Variants in LAMA1 observed in about 807,000 individuals in gnomAD.
LAMA1 encodes laminin subunit alpha-1.
A neutral mutation model predicts 348.7 loss-of-function variants in LAMA1; 219 were observed. That is an observed-to-expected ratio of 0.63 (90% CI 0.56 to 0.70). The LOEUF (loss-of-function observed/expected upper bound fraction) is 0.70. Among genes scored for constraint, LAMA1 ranks in the 30% least tolerant of loss-of-function variants. The pLI is 0.00. For missense variants in LAMA1, 3,744 were observed against 3,888.0 expected (o/e 0.96, Z 0.99); for synonymous variants, 1,487 against 1,491.0 (o/e 1.00, Z 0.06).
At position 6,956,759 on chromosome 18, in the gene LAMA1, CA is replaced by C; in HGVS notation, c.7970del (p.Leu2657TrpfsTer85). 6.2e-7 allele frequency: 1 copy of C among 1,614,102 alleles called. No homozygotes were observed. The highest frequency in any genetic ancestry group is 8.5e-7 in the Non-Finnish European group (1 of 1,180,038). ...CATGGCCAACTGCACTGTTGAAATC[CA>C]AAAGTCTAGGTAGAAACAAGAGAGT... ...IKNLIFNLEL[L>X]DFNSAVGHEQ... On this transcript the variant is annotated frameshift_variant, in exon 56 of 63. Transcript: ENST00000389658. LOFTEE classifies it high-confidence loss of function.
chr18:6,990,018 G>A (rs2057751746), intron 36 of LAMA1, among the ~76,000 whole-genome samples: 2 of 152,208 alleles, frequency 1.3e-5, no homozygotes, highest in South Asian at 4.1e-4. Flanking sequence ...AGAAGCTAAT[G>A]AAGAGTGCTG....
At chr18:7,084,463 A>C (rs148079464) in intron 1 of LAMA1, among the ~76,000 whole-genome samples, 368 of 152,312 alleles carry the variant, frequency 2.4e-3, no homozygotes, top group African/African-American at 8.5e-3. Context: ...TTAATAAATT[A>C]GTCTGCATGT....
chr18:7,057,471 C>CTTTTTTTTTTTTTTTTT (rs552843703), intron 3 of LAMA1, among the ~76,000 whole-genome samples: 5 of 90,806 alleles, frequency 5.5e-5, no homozygotes, highest in East Asian at 2.9e-4. Flanking sequence ...CTTTTCTTTT[C>CTTTTTTTTTTTTTTTTT]TTTTTTTTTT....
chr18:7,012,634 T>C (rs2057866763), intron 23 of LAMA1, among the ~76,000 whole-genome samples: 1 of 150,402 alleles, frequency 6.6e-6, no homozygotes, highest in Non-Finnish European at 1.5e-5. Context: ...GCCTCCCGAG[T>C]AGCTGGGACT....
chr18:7,076,169 C>A (rs1462302348), intron 3 of LAMA1, among the ~76,000 whole-genome samples: 6 of 151,802 alleles, frequency 4.0e-5, no homozygotes, highest in African/African-American at 1.5e-4. Context: ...CAGATTTTGG[C>A]AAGGTAAAAA....
chr18:6,949,318 T>C (rs1326763010), intron 58 of LAMA1, 59 bp from the exon 59 acceptor site: 4 of 1,515,130 alleles, frequency 2.6e-6, no homozygotes, highest in Non-Finnish European at 3.7e-6. Context: ...TTTTAACAGA[T>C]GTATAAACTT....
At chr18:7,015,918 C>A in intron 21 of LAMA1, 60 bp from the exon 22 acceptor site, 1 of 1,595,284 alleles carries the variant, frequency 6.3e-7, no homozygotes, top group Non-Finnish European at 8.6e-7. Context: ...GGGCTAAGAG[C>A]TGATGCTGTT....
In LAMA1 at chr18:7,049,056, A is replaced by G. The variant is rs539324917; in HGVS notation, c.768+22T>C. The G allele has an allele frequency of 2.7e-5, 44 of 1,602,898 alleles. 1 individual carries two copies. In the South Asian group the frequency reaches 4.1e-4, roughly 15 times the overall value. On this transcript the variant is annotated intron_variant, in intron 5 of 62. Coordinates refer to ENST00000389658, the MANE Select transcript of LAMA1 (RefSeq NM_005559.4). ...AATGAATCTTTTTATTTTATTTGGC[A>G]GGACTGCCGTCCCATACTCACGCGT...
chr18:7,089,107 G>C lies in LAMA1; in HGVS notation c.62-8650C>G, dbSNP rs1381579641. 3.3e-5 allele frequency among the ~76,000 whole-genome samples: 5 copies of C among 152,266 alleles called. No homozygotes were observed. In the East Asian group the frequency reaches 9.7e-4, roughly 29 times the overall value. On this transcript the variant is annotated intron_variant, in intron 1 of 62. Coordinates refer to ENST00000389658, the MANE Select transcript of LAMA1 (RefSeq NM_005559.4). ...AAAGAAACCTGCTAGGGGCCAGGGT[G>C]GTGGCTCATGCCTGTAATCTCAGCA... is the stretch of plus-strand genomic sequence containing the variant.
intron 49 of LAMA1, 115 bp downstream of exon 49, chr18:6,966,032 G>T: frequency 8.8e-7 from 1 of 1,133,778 alleles, no homozygotes; most frequent in Non-Finnish European, 1.3e-6. Context: ...CATAAAAATT[G>T]TATGGTATAC....
chr18:7,065,756 C>A (rs6506468), intron 3 of LAMA1, among the ~76,000 whole-genome samples: 5,891 of 152,192 alleles, frequency 0.039, 383 homozygotes, highest in African/African-American at 0.13. Context: ...TGAACAGAAG[C>A]GAATAAGTAT....
chr18:6,973,523 T>G (rs2057667869), intron 46 of LAMA1, among the ~76,000 whole-genome samples: 1 of 152,220 alleles, frequency 6.6e-6, no homozygotes. Context: ...CATAATATTA[T>G]AGAAAAGTGA....
intron 53 of LAMA1, chr18:6,959,951 G>A (rs73390543): frequency 0.041 from 10,358 of 251,450 alleles, 1,004 homozygotes; most frequent in African/African-American, 0.22. Context: ...ATTTTTTTTC[G>A]ACACATTGAA....
At chr18:6,972,436 C>A (rs1331769325) in intron 47 of LAMA1, among the ~76,000 whole-genome samples, 1 of 152,188 alleles carries the variant, frequency 6.6e-6, no homozygotes, top group Non-Finnish European at 1.5e-5. Flanking sequence ...TGACCACTAA[C>A]TAGAGCTAGA....
intron 21 of LAMA1, 78 bp downstream of exon 21, chr18:7,016,413 T>C: frequency 6.5e-7 from 1 of 1,534,526 alleles, no homozygotes; most frequent in Non-Finnish European, 9.0e-7. Context: ...TAACCAAAAT[T>C]AGTTGGAAGT....
intron 3 of LAMA1, among the ~76,000 whole-genome samples, chr18:7,073,666 T>TG (rs2058155066): frequency 6.6e-6 from 1 of 152,236 alleles, no homozygotes; most frequent in South Asian, 2.1e-4. Context: ...TGATGGTTGA[T>TG]GGACATCTGG....
Position 6,986,300 on chromosome 18 carries a change from G to T in LAMA1, c.5216C>A (p.Pro1739Gln), listed in dbSNP as rs541601813. Residue 1739 changes from proline (P) to glutamine (Q), a missense_variant, in exon 37 of 63, where the codon CCG becomes CAG. Coordinates refer to ENST00000389658, the MANE Select transcript of LAMA1 (RefSeq NM_005559.4). ...LSQIQENYQK[P>Q]LEELEVLKEA... ...TTTCAATACCTCCAATTCTTCCAGC[G>T]GCTTCTGGTAATTTTCCTGAATTTG... 1.2e-6 allele frequency: 2 copies of T among 1,614,138 alleles called. No individual in the cohort carries two copies. The highest frequency in any genetic ancestry group is 1.7e-6 in the Non-Finnish European group (2 of 1,180,036).
intron 25 of LAMA1, 49 bp from the exon 26 acceptor site, chr18:7,010,434 A>G: frequency 6.4e-7 from 1 of 1,550,540 alleles, no homozygotes; most frequent in Non-Finnish European, 8.9e-7. Flanking sequence ...GCTTTCATTC[A>G]AAAACATTTT....
chr18:7,008,980 T>G (rs1298602696), intron 27 of LAMA1, among the ~76,000 whole-genome samples: 2 of 151,062 alleles, frequency 1.3e-5, no homozygotes, highest in Admixed American at 1.3e-4. Flanking sequence ...ACAGCAATTG[T>G]TTTTTTTGCA....
Sources: allele counts gnomAD v4.1 joint callset (sites outside exome capture counted in the v4.1 genomes callset), GRCh38; gene constraint gnomAD v4.1.1; transcripts MANE v1.5; gene names NCBI Gene and HGNC (gene_info 2026-07-23, HGNC 2026-07-21).